Variants in CSMD1 observed in about 807,000 individuals in gnomAD.
The protein encoded by CSMD1 is CUB and sushi domain-containing protein 1.
Under a neutral mutation model 417.5 loss-of-function variants are expected in CSMD1, and 213 were observed. That is an observed-to-expected ratio of 0.51 (90% CI 0.46 to 0.57). CSMD1 has a LOEUF of 0.57. Among genes scored for constraint, CSMD1 ranks in the 20% least tolerant of loss-of-function variants. The pLI, the probability that CSMD1 is intolerant of heterozygous loss-of-function variation, is 0.00. For missense variants in CSMD1, 6,923 were observed against 4,529.7 expected, an observed-to-expected ratio of 1.53 and a Z score of -15.17; for synonymous variants, 2,862 against 1,736.8, an observed-to-expected ratio of 1.65 and a Z score of -16.11.
intron 3 of CSMD1, among the ~76,000 whole-genome samples, chr8:4,127,855 T>G (rs1416003741): frequency 6.6e-6 from 1 of 152,174 alleles, no homozygotes; most frequent in Non-Finnish European, 1.5e-5. Flanking sequence ...GTTTTGCAGA[T>G]GAAGAAACCC....
intron 3 of CSMD1, among the ~76,000 whole-genome samples, chr8:4,150,142 G>T (rs903329628): frequency 1.3e-5 from 2 of 152,296 alleles, no homozygotes; most frequent in African/African-American, 4.8e-5. Flanking sequence ...GGAATAAACT[G>T]TGATATCTTG....
chr8:4,120,956 C>T (rs1585358466), intron 3 of CSMD1, among the ~76,000 whole-genome samples: 1 of 152,128 alleles, frequency 6.6e-6, no homozygotes, highest in African/African-American at 2.4e-5. Flanking sequence ...GAATACTTTT[C>T]TTACATGGTC....
intron 4 of CSMD1, among the ~76,000 whole-genome samples, chr8:4,024,858 T>G (rs1261803214): frequency 6.6e-6 from 1 of 152,168 alleles, no homozygotes; most frequent in East Asian, 1.9e-4. Flanking sequence ...TGAGAATTGT[T>G]TTCTTAAGTA....
rs1801403394 is a variant in CSMD1, at chr8:4,486,230, CATATATATATATATACATACATATATAT to C, written c.303-66193_303-66166del. On this transcript the variant is annotated intron_variant, in intron 2 of 69. Transcript: ENST00000635120. The stretch of plus-strand genomic sequence containing the variant: ...ATATATATATATATATATATACATA[CATATATATATATATACATACATATATAT>C]ATATATATATATATATATACGCACA... Among the ~76,000 whole-genome samples the C allele has an allele frequency of 1.2e-3, 19 of 16,436 alleles. 1 individual carries two copies. The South Asian group carries it at 0.033, about 28-fold the overall frequency. The allele number at this position is 16,436 out of a possible 152,430, so 10.8% of individuals were successfully genotyped here. A position where few individuals can be genotyped will look rare whatever the true frequency, so the allele number is the denominator to read the frequency against.
At chr8:3,756,195 T>C (rs1006243758) in intron 5 of CSMD1, among the ~76,000 whole-genome samples, 2 of 151,628 alleles carry the variant, frequency 1.3e-5, no homozygotes, top group East Asian at 2.0e-4. Flanking sequence ...CTACTAAAAA[T>C]ACAAAAAATT....
chr8:3,330,957 GA>G (rs1806850832), intron 23 of CSMD1, among the ~76,000 whole-genome samples: 1 of 152,038 alleles, frequency 6.6e-6, no homozygotes. Flanking sequence ...AAATATAAAA[GA>G]AAAGCAACAG....
intron 54 of CSMD1, among the ~76,000 whole-genome samples, chr8:2,979,211 C>A (rs955518984): frequency 6.6e-6 from 1 of 152,256 alleles, no homozygotes; most frequent in Non-Finnish European, 1.5e-5. Flanking sequence ...CCCCAACACA[C>A]ATACACACCT....
chr8:3,161,298 T>C (rs117700924), intron 38 of CSMD1, among the ~76,000 whole-genome samples: 10,054 of 152,204 alleles, frequency 0.066, 436 homozygotes, highest in Middle Eastern at 0.12. Flanking sequence ...CATTAGATTA[T>C]AAATCATTCA....
At chr8:3,508,681 T>G (rs1056438778) in intron 10 of CSMD1, among the ~76,000 whole-genome samples, 1 of 152,186 alleles carries the variant, frequency 6.6e-6, no homozygotes, top group African/African-American at 2.4e-5. Context: ...GCTTATCTAT[T>G]ATGGAAAATT....
At chr8:4,689,729 C>A (rs1806643798) in intron 1 of CSMD1, among the ~76,000 whole-genome samples, 1 of 152,140 alleles carries the variant, frequency 6.6e-6, no homozygotes. Context: ...TCGTCTTTGG[C>A]TGCAGTTATT....
intron 52 of CSMD1, among the ~76,000 whole-genome samples, chr8:3,016,755 C>A (rs1053982049): frequency 1.3e-5 from 2 of 152,066 alleles, no homozygotes; most frequent in Admixed American, 1.3e-4. Flanking sequence ...CATTTTTCTT[C>A]TTCCTTATTT....
intron 5 of CSMD1, among the ~76,000 whole-genome samples, chr8:3,926,086 CA>C (rs1809669932): frequency 1.9e-4 from 3 of 16,142 alleles, no homozygotes; most frequent in African/African-American, 1.3e-3. Context: ...ACACCATACA[CA>C]CACACACACA....
chr8:3,667,841 G>T (rs1047007594), intron 7 of CSMD1, among the ~76,000 whole-genome samples: 4 of 152,204 alleles, frequency 2.6e-5, no homozygotes, highest in African/African-American at 7.2e-5. Flanking sequence ...ATCCTGGAGT[G>T]TCTGTATGTT....
chr8:3,339,204 A>T (rs774258175), intron 23 of CSMD1, among the ~76,000 whole-genome samples: 6 of 151,952 alleles, frequency 3.9e-5, no homozygotes, highest in Non-Finnish European at 8.8e-5. Flanking sequence ...CATGGTGTAT[A>T]TGTGCCACAT....
chr8:4,124,150 A>G (rs6994412), intron 3 of CSMD1, among the ~76,000 whole-genome samples: 1 of 152,066 alleles, frequency 6.6e-6, no homozygotes, highest in Non-Finnish European at 1.5e-5. Context: ...TGTTGTCCTA[A>G]AACAGTCTGC....
chr8:4,353,605 G>C (rs1010804147), intron 3 of CSMD1, among the ~76,000 whole-genome samples: 8 of 151,682 alleles, frequency 5.3e-5, no homozygotes, highest in Non-Finnish European at 1.2e-4. Flanking sequence ...ACATGCATAA[G>C]GCAACTAAAG....
intron 1 of CSMD1, among the ~76,000 whole-genome samples, chr8:4,895,430 A>T (rs1470944231): frequency 2.0e-5 from 3 of 151,974 alleles, no homozygotes; most frequent in Non-Finnish European, 4.4e-5. Context: ...AGTAAATTTC[A>T]TTTTCTGTGA....
intron 27 of CSMD1, 124 bp downstream of exon 27, chr8:3,229,916 C>A: frequency 1.5e-6 from 1 of 678,542 alleles, no homozygotes; most frequent in Non-Finnish European, 2.3e-6. Flanking sequence ...TCTCAGAGAG[C>A]CAGAGAACAT....
intron 2 of CSMD1, among the ~76,000 whole-genome samples, chr8:4,439,636 A>C (rs1798348480): frequency 6.6e-6 from 1 of 152,184 alleles, no homozygotes; most frequent in Non-Finnish European, 1.5e-5. Context: ...ACAGCACCAT[A>C]AGGCAAAATG....
Sources: allele counts gnomAD v4.1 joint callset (sites outside exome capture counted in the v4.1 genomes callset), GRCh38; gene constraint gnomAD v4.1.1; transcripts MANE v1.5; gene names NCBI Gene and HGNC (gene_info 2026-07-23, HGNC 2026-07-21).